Variants in RGS6 observed in about 807,000 individuals in gnomAD.
RGS6 encodes regulator of G-protein signaling 6.
Under a neutral mutation model 78.5 loss-of-function variants are expected in RGS6, and 30 were observed. The observed-to-expected ratio is 0.38, with a 90% CI of 0.29 to 0.52. The LOEUF (loss-of-function observed/expected upper bound fraction) is 0.52. Ranked by LOEUF, RGS6 falls within the 20% of genes least tolerant of loss-of-function variation. The pLI is 0.85. For synonymous variants in RGS6, 206 were observed against 206.0 expected, an observed-to-expected ratio of 1.00 and a Z score of 0.00; for missense variants, 495 against 609.7, an observed-to-expected ratio of 0.81 and a Z score of 1.98.
intron 2 of RGS6, among the ~76,000 whole-genome samples, chr14:72,119,855 C>G (rs1047130978): frequency 9.9e-5 from 15 of 152,194 alleles, no homozygotes; most frequent in Middle Eastern, 3.2e-3. Flanking sequence ...GGATTCCAAT[C>G]TGGTTTAAAA....
chr14:71,942,635 C>A (rs36318), intron 1 of RGS6, among the ~76,000 whole-genome samples: 1 of 152,046 alleles, frequency 6.6e-6, no homozygotes, highest in Non-Finnish European at 1.5e-5. Flanking sequence ...TTCTTTACCA[C>A]TTCCCTCTGG....
the RGS6 span, among the ~76,000 whole-genome samples, chr14:71,910,889 A>G: frequency 4.0e-4 from 61 of 152,154 alleles, no homozygotes; most frequent in Non-Finnish European, 8.4e-4. Context: ...GTCTGCGTGG[A>G]CAGTGACAGG....
chr14:72,381,413 A>G (rs113933296), intron 3 of RGS6, among the ~76,000 whole-genome samples: 1 of 152,112 alleles, frequency 6.6e-6, no homozygotes, highest in Non-Finnish European at 1.5e-5. Flanking sequence ...CCCCATAAAT[A>G]TGTACAATTT....
the RGS6 span, among the ~76,000 whole-genome samples, chr14:72,623,046 T>G: frequency 3.3e-5 from 5 of 152,358 alleles, no homozygotes; most frequent in East Asian, 9.6e-4. Flanking sequence ...TCTAAGATAT[T>G]CAGAGAAAAC....
At chr14:72,260,083 A>G in intron 2 of RGS6, among the ~76,000 whole-genome samples, 1 of 152,294 alleles carries the variant, frequency 6.6e-6, no homozygotes, top group Admixed American at 6.5e-5. Context: ...TTACATAGCT[A>G]TATATTTTCA....
At chr14:72,139,222 G>T (rs568192940) in intron 2 of RGS6, among the ~76,000 whole-genome samples, 3 of 152,212 alleles carry the variant, frequency 2.0e-5, no homozygotes, top group African/African-American at 7.2e-5. Flanking sequence ...GCATTGAGCA[G>T]ATAGTTCCTG....
At chr14:72,069,766 CTGGGCT>C (rs1455270055) in intron 2 of RGS6, among the ~76,000 whole-genome samples, 3 of 152,170 alleles carry the variant, frequency 2.0e-5, no homozygotes, top group Non-Finnish European at 4.4e-5. Context: ...TCTTGAACTC[CTGGGCT>C]CCAGCAATCT....
the RGS6 span, among the ~76,000 whole-genome samples, chr14:71,878,626 A>C: frequency 6.6e-6 from 1 of 152,212 alleles, no homozygotes; most frequent in Non-Finnish European, 1.5e-5. Flanking sequence ...GACCCCTTGC[A>C]CTTCCTGGGT....
At chr14:71,998,049 G>C (rs565165624) in intron 2 of RGS6, among the ~76,000 whole-genome samples, 1 of 152,274 alleles carries the variant, frequency 6.6e-6, no homozygotes, top group African/African-American at 2.4e-5. Flanking sequence ...TTGGAATGCA[G>C]CTTGGTTTTA....
intron 3 of RGS6, among the ~76,000 whole-genome samples, chr14:72,390,301 T>C (rs2089615523): frequency 6.6e-6 from 1 of 152,110 alleles, no homozygotes; most frequent in Non-Finnish European, 1.5e-5. Context: ...TTTTGCCATG[T>C]TGGCCAGGCT....
intron 1 of RGS6, among the ~76,000 whole-genome samples, chr14:71,957,095 A>G (rs2092845479): frequency 6.6e-6 from 1 of 152,174 alleles, no homozygotes; most frequent in African/African-American, 2.4e-5. Flanking sequence ...CAGAAGGAAA[A>G]AGCTTCAGGT....
At position 72,488,404 on chromosome 14, in the gene RGS6, G is replaced by A. The variant is rs74910679; in HGVS notation, c.855-6748G>A. Among the ~76,000 whole-genome samples the A allele has an allele frequency of 2.0e-5, 3 of 152,026 alleles. No individual in the cohort carries two copies. The East Asian group carries it at 5.8e-4, about 29-fold the overall frequency. On this transcript the variant is annotated intron_variant, in intron 12 of 17. Transcript: ENST00000553525. ...GTCATATTTTTTGCTCTTATGTTGG[G>A]TGGTCACAAAAATCTCACCTTGGGC...
the RGS6 span, among the ~76,000 whole-genome samples, chr14:72,586,486 A>G: frequency 6.6e-6 from 1 of 152,182 alleles, no homozygotes; most frequent in South Asian, 2.1e-4. Context: ...TGCTTCTTGT[A>G]CAGCCCACAG....
At chr14:72,037,268 C>G (rs1341065180) in intron 2 of RGS6, among the ~76,000 whole-genome samples, 1 of 152,202 alleles carries the variant, frequency 6.6e-6, no homozygotes, top group Non-Finnish European at 1.5e-5. Context: ...CTGCTCGGGT[C>G]CCTTCCATCC....
chr14:72,053,079 C>CCCTTCCCTCCCTCCCTCCCTCCCTTCCTT (rs2093416690), intron 2 of RGS6, among the ~76,000 whole-genome samples: 1 of 17,014 alleles, frequency 5.9e-5, no homozygotes, highest in African/African-American at 3.4e-4. Flanking sequence ...CTCCCTCCCT[C>CCCTTCCCTCCCTCCCTCCCTCCCTTCCTT]CCTTCCTTCC....
chr14:72,489,501 T>C (rs1049350984), intron 12 of RGS6, among the ~76,000 whole-genome samples: 4 of 152,232 alleles, frequency 2.6e-5, no homozygotes, highest in Admixed American at 6.5e-5. Context: ...GAAGAGTCTT[T>C]GCAGATGTAA....
In RGS6 at chr14:72,464,638, A is replaced by G. The variant is rs548502452; in HGVS notation, c.395-1120A>G. The G allele has an allele frequency of 4.6e-5, 7 of 152,268 alleles. No homozygotes were observed. The East Asian group carries it at 1.3e-3, about 29-fold the overall frequency. 9.4% of individuals were successfully genotyped at this position (152,268 alleles called of 1,614,324 possible). ...CTCTTGATCATTCTGTTGTTCATTTATTTATGCCATTCATCTACTGTTTTC... is the reference window on the plus strand; with the variant it reads ...CTCTTGATCATTCTGTTGTTCATTTGTTTATGCCATTCATCTACTGTTTTC... On this transcript the variant is annotated intron_variant, in intron 6 of 17. Coordinates refer to ENST00000553525, the MANE Select transcript of RGS6 (RefSeq NM_001204424.2).
intron 2 of RGS6, among the ~76,000 whole-genome samples, chr14:71,995,416 G>A (rs2095155088): frequency 6.6e-6 from 1 of 152,182 alleles, no homozygotes; most frequent in Non-Finnish European, 1.5e-5. Context: ...CCCCTGGCAG[G>A]GTGGAAGTGA....
intron 2 of RGS6, among the ~76,000 whole-genome samples, chr14:72,120,461 C>G (rs950234991): frequency 2.0e-5 from 3 of 152,120 alleles, no homozygotes; most frequent in African/African-American, 7.2e-5. Flanking sequence ...GAACAACCTG[C>G]CGTTTTAAAG....
Sources: gnomAD v4.1 joint callset for allele counts (sites outside exome capture counted in the v4.1 genomes callset) on GRCh38, gnomAD v4.1.1 for gene constraint, MANE v1.5 for transcripts, NCBI Gene and HGNC (gene_info 2026-07-23, HGNC 2026-07-21) for gene names.